The following OSBP2 variants were observed in gnomAD, a reference collection of about 807,000 sequenced individuals.
OSBP2 encodes the protein oxysterol binding protein 2, also known as oxysterol-binding protein 2.
Under a neutral mutation model 96.0 loss-of-function variants are expected in OSBP2, and 66 were observed. The observed-to-expected ratio is 0.69, with a 90% CI of 0.56 to 0.84. The LOEUF (loss-of-function observed/expected upper bound fraction) is 0.84. Ranked by LOEUF, OSBP2 falls within the 40% of genes least tolerant of loss-of-function variation. The probability of loss-of-function intolerance (pLI) is 0.00; values close to 1 mark genes in which losing one functional copy is unlikely to be tolerated. For missense variants in OSBP2, 1,038 were observed against 1,222.7 expected (o/e 0.85, Z 2.25); for synonymous variants, 525 against 520.9 (o/e 1.01, Z -0.11).
intron 2 of OSBP2, among the ~76,000 whole-genome samples, chr22:30,840,970 G>A (rs1042145813): frequency 1.3e-5 from 2 of 152,086 alleles, no homozygotes; most frequent in African/African-American, 4.8e-5. Context: ...TTTAAGACCA[G>A]TCTGGCCAAC....
intron 1 of OSBP2, among the ~76,000 whole-genome samples, chr22:30,723,865 T>A (rs2089597020): frequency 6.6e-6 from 1 of 152,182 alleles, no homozygotes; most frequent in Non-Finnish European, 1.5e-5. Context: ...GTCTGTTTGT[T>A]ACAGTGGATG....
chr22:30,710,182 G>A (rs891078346), intron 1 of OSBP2, among the ~76,000 whole-genome samples: 3 of 152,214 alleles, frequency 2.0e-5, no homozygotes, highest in South Asian at 4.1e-4. Flanking sequence ...ACCGTGCCCC[G>A]CCTTAGCAAG....
At chr22:30,827,815 G>A (rs920983635) in intron 2 of OSBP2, among the ~76,000 whole-genome samples, 6 of 152,190 alleles carry the variant, frequency 3.9e-5, no homozygotes, top group South Asian at 2.1e-4. Context: ...TGGGAAGCCC[G>A]TGGCCCACGG....
At chr22:30,699,102 C>A (rs1408224424) in intron 1 of OSBP2, among the ~76,000 whole-genome samples, 1 of 151,938 alleles carries the variant, frequency 6.6e-6, no homozygotes, top group Non-Finnish European at 1.5e-5. Flanking sequence ...CTACCGTGCC[C>A]AGCTAATTTT....
intron 2 of OSBP2, among the ~76,000 whole-genome samples, chr22:30,754,645 A>G (rs537631153): frequency 6.6e-6 from 1 of 151,314 alleles, no homozygotes; most frequent in East Asian, 2.0e-4. Context: ...CCTTTGTGTC[A>G]CCCCCGAGGG....
intron 2 of OSBP2, among the ~76,000 whole-genome samples, chr22:30,832,881 G>A (rs1025946088): frequency 6.6e-6 from 1 of 152,208 alleles, no homozygotes; most frequent in Non-Finnish European, 1.5e-5. Context: ...AGCAGCAGGA[G>A]CTGCATTCCA....
chr22:30,829,002 C>A (rs970655816), intron 2 of OSBP2, among the ~76,000 whole-genome samples: 1 of 152,138 alleles, frequency 6.6e-6, no homozygotes. Context: ...CAGCCCTGTG[C>A]GCTTGTGGCT....
intron 2 of OSBP2, among the ~76,000 whole-genome samples, chr22:30,784,887 C>T (rs1428429795): frequency 6.6e-6 from 1 of 151,830 alleles, no homozygotes; most frequent in Non-Finnish European, 1.5e-5. Context: ...ATTCTCCTGT[C>T]TCAGCCTCCT....
chr22:30,906,646 T>G lies in OSBP2; in HGVS notation c.*307T>G, dbSNP rs964142329. 101 of 274,100 alleles carry G rather than the reference T, an allele frequency of 3.7e-4. No homozygotes were observed. The highest frequency in any genetic ancestry group is 1.0e-4 in the Admixed American group (2 of 19,418). The allele number at this position is 274,100 out of a possible 1,614,324, so 17.0% of individuals were successfully genotyped here. On this transcript the variant is annotated 3_prime_UTR_variant, in exon 14 of 14. Transcript: ENST00000332585. The stretch of plus-strand genomic sequence containing the variant: ...AGGCCGGCTGGCCCGGGCCATGGGC[T>G]GCGCAAATCACCAGCCCCCAACCCA...
chr22:30,770,301 G>C (rs1298604636), intron 2 of OSBP2, among the ~76,000 whole-genome samples: 3 of 151,900 alleles, frequency 2.0e-5, no homozygotes, highest in African/African-American at 4.8e-5. Context: ...GGTTCACCAT[G>C]TTGGCCAGGC....
At chr22:30,703,169 A>T (rs977276562) in intron 1 of OSBP2, among the ~76,000 whole-genome samples, 13 of 147,552 alleles carry the variant, frequency 8.8e-5, no homozygotes, top group African/African-American at 3.0e-4. Flanking sequence ...CCAGTATCTT[A>T]TTTTTTTTTT....
intron 1 of OSBP2, among the ~76,000 whole-genome samples, chr22:30,737,103 C>T (rs1382753776): frequency 6.6e-6 from 1 of 152,140 alleles, no homozygotes; most frequent in East Asian, 1.9e-4. Flanking sequence ...GCACCCTCTG[C>T]CTCCTGGATT....
At chr22:30,903,821 C>T (rs1031167884) in intron 12 of OSBP2, among the ~76,000 whole-genome samples, 1 of 152,206 alleles carries the variant, frequency 6.6e-6, no homozygotes, top group Non-Finnish European at 1.5e-5. Context: ...TACTGTGCTT[C>T]CCACCTCCCC....
At chr22:30,782,763 TA>T (rs2090534763) in intron 2 of OSBP2, among the ~76,000 whole-genome samples, 1 of 152,202 alleles carries the variant, frequency 6.6e-6, no homozygotes, top group African/African-American at 2.4e-5. Flanking sequence ...CACGTTTTTT[TA>T]TCTTGGGTAA....
rs148280782 is a variant in OSBP2, at chr22:30,764,549, T to TTGGG, written c.853+23181_853+23182insGGGT. Among the ~76,000 whole-genome samples, 546 of 152,264 alleles carry TTGGG rather than the reference T, an allele frequency of 3.6e-3. 2 individuals are homozygous for TTGGG. The highest frequency in any genetic ancestry group is 5.3e-3 in the Non-Finnish European group (360 of 68,010). On this transcript the variant is annotated intron_variant, in intron 2 of 13. Coordinates refer to ENST00000332585, the MANE Select transcript of OSBP2 (RefSeq NM_030758.4). The stretch of plus-strand genomic sequence containing the variant: ...GGGGATGCAAGTGGGCTTGGTCCAC[T>TTGGG]TAACAGTCCTCTCTTCCCGTTTGAA...
At chr22:30,805,259 C>G (rs1298878976) in intron 2 of OSBP2, among the ~76,000 whole-genome samples, 1 of 152,286 alleles carries the variant, frequency 6.6e-6, no homozygotes, top group East Asian at 1.9e-4. Flanking sequence ...CTATTTCTGT[C>G]TGGATTTCTC....
chr22:30,869,328 T>C (rs2039412156), intron 2 of OSBP2, among the ~76,000 whole-genome samples: 1 of 152,224 alleles, frequency 6.6e-6, no homozygotes, highest in Non-Finnish European at 1.5e-5. Context: ...AGAGCCTCGA[T>C]TTCCTCATCT....
intron 2 of OSBP2, among the ~76,000 whole-genome samples, chr22:30,861,044 G>T (rs1024418329): frequency 2.6e-5 from 4 of 152,172 alleles, no homozygotes; most frequent in Non-Finnish European, 5.9e-5. Flanking sequence ...TTTGGTTCAT[G>T]ACTTTGACCA....
At position 30,892,987 on chromosome 22, in the gene OSBP2, G is replaced by C. The variant is rs1247733512; in HGVS notation, c.1870-135G>C. On this transcript the variant is annotated intron_variant, in intron 8 of 13. Transcript: ENST00000332585. ...CTGCCTTGGGTCCATGGCCACCTGA[G>C]GAACAGCCAGGACTGCTCCTATGGC... is the stretch of plus-strand genomic sequence containing the variant. The C allele has an allele frequency of 2.6e-6, 3 of 1,169,496 alleles. No individual in the cohort carries two copies. In the African/African-American group the frequency reaches 4.6e-5, roughly 18 times the overall value. 72.4% of individuals were successfully genotyped at this position (1,169,496 alleles called of 1,614,324 possible). A position where few individuals can be genotyped will look rare whatever the true frequency, so the allele number is the denominator to read the frequency against.
Sources: allele counts gnomAD v4.1 joint callset (sites outside exome capture counted in the v4.1 genomes callset), GRCh38; gene constraint gnomAD v4.1.1; transcripts MANE v1.5; gene names NCBI Gene and HGNC (gene_info 2026-07-23, HGNC 2026-07-21).